The following ABCB4 variants were observed in gnomAD, a reference collection of about 807,000 sequenced individuals.
ABCB4 encodes ATP binding cassette subfamily B member 4, also known as phosphatidylcholine translocator ABCB4.
Under a neutral mutation model 145.7 loss-of-function variants are expected in ABCB4, and 76 were observed. The ratio of observed to expected loss-of-function variants is 0.52; its 90% CI spans 0.43 to 0.63. ABCB4 has a LOEUF of 0.63. Among genes scored for constraint, ABCB4 ranks in the 30% least tolerant of loss-of-function variants. The probability of loss-of-function intolerance (pLI) is 0.00; values close to 1 mark genes in which losing one functional copy is unlikely to be tolerated. For missense variants in ABCB4, 1,234 were observed against 1,553.1 expected, an observed-to-expected ratio of 0.79 and a Z score of 3.45; for synonymous variants, 517 against 566.8, an observed-to-expected ratio of 0.91 and a Z score of 1.25.
the ABCB4 span, among the ~76,000 whole-genome samples, chr7:87,365,929 C>G: frequency 5.9e-5 from 9 of 151,974 alleles, no homozygotes; most frequent in Non-Finnish European, 1.3e-4. Context: ...TTGTTTTTAC[C>G]TACCCCCTAG....
chr7:87,465,299 A>G (rs1402714741), intron 3 of ABCB4, among the ~76,000 whole-genome samples: 1 of 152,226 alleles, frequency 6.6e-6, no homozygotes, highest in African/African-American at 2.4e-5. Context: ...GTCTGAAATC[A>G]ATCTGCAAGG....
In ABCB4 at chr7:87,440,310, G is replaced by A. The variant is rs779631698; in HGVS notation, c.1449C>T (p.Ser483=). 3 of 1,613,916 alleles carry A rather than the reference G, an allele frequency of 1.9e-6. No individual in the cohort carries two copies. Among genetic ancestry groups the A allele is most frequent in the Admixed American group, 3.3e-5 (2 of 59,990 alleles). ...AACAAATATTTTCAGCAATTGTGGT[G>A]GAAAACAGCACCGGCTCCTGACTCA... ...GVVSQEPVLF[S]TTIAENICYG... The change falls in exon 13 of 28, where the codon TCC becomes TCT. Residue 483 remains serine, a synonymous_variant. Transcript: ENST00000649586.
At chr7:87,406,917 C>T (rs1808241478) in intron 25 of ABCB4, among the ~76,000 whole-genome samples, 1 of 152,086 alleles carries the variant, frequency 6.6e-6, no homozygotes, top group Non-Finnish European at 1.5e-5. Context: ...GAAGCAGGGC[C>T]CCAAAAGCTG....
rs553228600 is a variant in ABCB4 at position 87,442,627 on chromosome 7, T to TAC, written c.1356+690_1356+691dup. Among the ~76,000 whole-genome samples the TAC allele has an allele frequency of 1.2e-3, 178 of 151,212 alleles. 1 individual carries two copies. In the Middle Eastern group the frequency reaches 0.017, roughly 14 times the overall value. ...TTCTGAAGTATAAGGGTATACATAA[T>TAC]ACACACACACACACATAAACACACA... On this transcript the variant is annotated intron_variant, in intron 12 of 27. Coordinates refer to ENST00000649586, the MANE Select transcript of ABCB4 (RefSeq NM_000443.4).
At chr7:87,419,929 G>T in intron 19 of ABCB4, 69 bp downstream of exon 19, 4 of 1,495,862 alleles carry the variant, frequency 2.7e-6, no homozygotes, top group Middle Eastern at 1.7e-4. Context: ...ATAACAATAA[G>T]AACAGTAAGA....
chr7:87,428,233 A>G (rs563610424), intron 15 of ABCB4, among the ~76,000 whole-genome samples: 18 of 152,266 alleles, frequency 1.2e-4, no homozygotes, highest in African/African-American at 3.8e-4. Context: ...CTCTTTCATA[A>G]TATTTTTTCT....
chr7:87,374,110 A>T, the ABCB4 span, among the ~76,000 whole-genome samples: 1 of 152,026 alleles, frequency 6.6e-6, no homozygotes, highest in South Asian at 2.1e-4. Flanking sequence ...TAGAATATTT[A>T]AAAAAATATA....
Position 87,408,237 on chromosome 7 carries a change from GAATA to G in ABCB4, c.3082-7_3082-4del. The G allele has an allele frequency of 2.5e-6, 4 of 1,612,790 alleles. No individual in the cohort carries two copies. The highest frequency in any genetic ancestry group is 3.4e-6 in the Non-Finnish European group (4 of 1,178,926). ...GTTATATTTCCTTCAAATTTATCCT[GAATA>G]AATGTTTAAATGTTGCTATTATAAT... is the stretch of plus-strand genomic sequence containing the variant. On this transcript the variant is annotated splice_region_variant and splice_polypyrimidine_tract_variant and intron_variant, in intron 24 of 27. Transcript: ENST00000649586.
intron 4 of ABCB4, among the ~76,000 whole-genome samples, chr7:87,457,189 C>T (rs746149762): frequency 5.9e-5 from 9 of 152,150 alleles, no homozygotes; most frequent in Non-Finnish European, 1.0e-4. Flanking sequence ...GAGGCTGAGG[C>T]GGGAGGATCA....
downstream of ABCB4, among the ~76,000 whole-genome samples, chr7:87,398,034 G>C (rs1807598747): frequency 6.6e-6 from 1 of 150,958 alleles, no homozygotes; most frequent in Non-Finnish European, 1.5e-5. Flanking sequence ...TGGAAGGCAT[G>C]ACTTGATCCC....
At chr7:87,380,850 A>G in the ABCB4 span, among the ~76,000 whole-genome samples, 1 of 152,244 alleles carries the variant, frequency 6.6e-6, no homozygotes, top group African/African-American at 2.4e-5. Context: ...GTAAAATTGT[A>G]AAGTACCACA....
chr7:87,467,645 G>A (rs1027077104), intron 3 of ABCB4, among the ~76,000 whole-genome samples: 3 of 152,226 alleles, frequency 2.0e-5, no homozygotes, highest in Non-Finnish European at 2.9e-5. Flanking sequence ...GTAGTTGGAA[G>A]TAAAGCACTC....
rs536227699 is a variant in ABCB4, at chr7:87,457,925, T to A, written c.287-3333A>T. ...AAAGGGGAAGAAAGAGAGGTATCCA[T>A]CACCTCAAGCATCTCTCCTTTCTTT... On this transcript the variant is annotated intron_variant, in intron 4 of 27. Transcript: ENST00000649586. Among the ~76,000 whole-genome samples, 14 of 152,318 alleles carry A rather than the reference T, an allele frequency of 9.2e-5. No individual in the cohort carries two copies. The South Asian group carries it at 2.9e-3, about 32-fold the overall frequency.
intron 14 of ABCB4, among the ~76,000 whole-genome samples, chr7:87,434,816 T>C (rs754099236): frequency 2.0e-5 from 3 of 152,194 alleles, no homozygotes; most frequent in Non-Finnish European, 4.4e-5. Flanking sequence ...ATTTAGTAAA[T>C]ATTTATTTAG....
chr7:87,440,480 C>T (rs1810907535), intron 12 of ABCB4, 78 bp from the exon 13 acceptor site: 2 of 1,229,766 alleles, frequency 1.6e-6, no homozygotes, highest in Non-Finnish European at 1.2e-6. Flanking sequence ...TGAAAAACAT[C>T]CTACCTAATA....
At chr7:87,470,016 CAG>C (rs1813246197) in intron 3 of ABCB4, among the ~76,000 whole-genome samples, 1 of 152,182 alleles carries the variant, frequency 6.6e-6, no homozygotes, top group Non-Finnish European at 1.5e-5. Flanking sequence ...GGTACCAAAA[CAG>C]AGATATAGAC....
chr7:87,472,689 A>C lies in ABCB4; in HGVS notation c.81-14T>G. On this transcript the variant is annotated splice_polypyrimidine_tract_variant and intron_variant, in intron 2 of 27. Transcript: ENST00000649586. ...CTTTTTTGTTTGCTGTAAAAAATAG[A>C]ATTGCTTCAATTTAAAACTGTTACA... The C allele has an allele frequency of 6.5e-7, 1 of 1,543,166 alleles. No homozygotes were observed. The highest frequency in any genetic ancestry group is 9.0e-7 in the Non-Finnish European group (1 of 1,116,192).
At chr7:87,381,155 G>T in the ABCB4 span, among the ~76,000 whole-genome samples, 1 of 152,184 alleles carries the variant, frequency 6.6e-6, no homozygotes, top group Non-Finnish European at 1.5e-5. Context: ...CAAGCTCGCA[G>T]TGTCACGTTC....
rs1562989899 is a variant in ABCB4 at position 87,453,141 on chromosome 7, A to G, written c.345-6T>C. 4.3e-6 allele frequency: 7 copies of G among 1,613,184 alleles called. No homozygotes were observed. The highest frequency in any genetic ancestry group is 5.9e-6 in the Non-Finnish European group (7 of 1,179,248). On this transcript the variant is annotated splice_region_variant and splice_polypyrimidine_tract_variant and intron_variant, in intron 5 of 27. Transcript: ENST00000649586. ...CTGAGTAGTAATATGCATATCTGAA[A>G]AAAAAGAGAAAGGCTCTATTAAATA...
Sources: allele counts gnomAD v4.1 joint callset (sites outside exome capture counted in the v4.1 genomes callset), GRCh38; gene constraint gnomAD v4.1.1; transcripts MANE v1.5; gene names NCBI Gene and HGNC (gene_info 2026-07-23, HGNC 2026-07-21).